Variants in CBR4 observed in about 807,000 individuals in gnomAD.
CBR4 encodes the protein carbonyl reductase 4.
In CBR4, 22 loss-of-function variants were observed where a neutral mutation model predicts 21.0. The ratio of observed to expected loss-of-function variants is 1.05; its 90% CI spans 0.75 to 1.50. CBR4 has a LOEUF of 1.50. Ranked by LOEUF, CBR4 falls within the 40% of genes most tolerant of loss-of-function variation. The pLI, the probability that CBR4 is intolerant of heterozygous loss-of-function variation, is 0.00. For missense variants in CBR4, 302 were observed against 286.3 expected (o/e 1.05, Z -0.40); for synonymous variants, 100 against 104.4 (o/e 0.96, Z 0.26).
At chr4:169,009,271 A>AT (rs1254720222) in intron 1 of CBR4, among the ~76,000 whole-genome samples, 1 of 152,226 alleles carries the variant, frequency 6.6e-6, no homozygotes, top group Non-Finnish European at 1.5e-5. Flanking sequence ...ATCCATTCAT[A>AT]ATAAGCCGGA....
intron 3 of CBR4, among the ~76,000 whole-genome samples, chr4:169,005,579 G>T (rs1730844010): frequency 6.6e-6 from 1 of 152,068 alleles, no homozygotes; most frequent in Non-Finnish European, 1.5e-5. Context: ...CTAAAAAAAA[G>T]AAGATTTTAG....
intron 2 of CBR4, among the ~76,000 whole-genome samples, chr4:168,964,810 C>G (rs1763969571): frequency 6.6e-6 from 1 of 152,142 alleles, no homozygotes; most frequent in Non-Finnish European, 1.5e-5. Context: ...ATTTATTGTG[C>G]AAGTATGTGT....
At chr4:168,938,622 G>A (rs987259890) in intron 2 of CBR4, among the ~76,000 whole-genome samples, 7 of 152,118 alleles carry the variant, frequency 4.6e-5, no homozygotes, top group African/African-American at 1.7e-4. Context: ...AAATGACACA[G>A]GGGATATCAC....
At chr4:168,895,807 G>T (rs1354988000) in intron 2 of CBR4, among the ~76,000 whole-genome samples, 1 of 152,176 alleles carries the variant, frequency 6.6e-6, no homozygotes, top group Non-Finnish European at 1.5e-5. Flanking sequence ...AAATAAAATA[G>T]AAAATATTAT....
intron 2 of CBR4, among the ~76,000 whole-genome samples, chr4:168,940,421 A>G (rs1045364837): frequency 6.6e-6 from 1 of 152,240 alleles, no homozygotes; most frequent in African/African-American, 2.4e-5. Context: ...AATGGCAACA[A>G]AAGCCAAAAT....
At chr4:168,918,190 CAA>C (rs567095866) in intron 2 of CBR4, among the ~76,000 whole-genome samples, 10 of 118,018 alleles carry the variant, frequency 8.5e-5, no homozygotes, top group African/African-American at 9.6e-5. Context: ...GTCTCCCCCA[CAA>C]AAAAAAAAAA....
chr4:168,989,147 C>T lies in CBR4; in HGVS notation c.*1003G>A, dbSNP rs189415765. On this transcript the variant is annotated 3_prime_UTR_variant, in exon 5 of 5. Coordinates refer to ENST00000306193, the MANE Select transcript of CBR4 (RefSeq NM_032783.5). ...TATTTATTTTTTATGCTTATTCATA[C>T]AGAATTTATTACTTTCTAGAATTTT... 1.2e-4 allele frequency: 119 copies of T among 967,056 alleles called. No individual in the cohort carries two copies. In the East Asian group the frequency reaches 0.012, roughly 96 times the overall value. 59.9% of individuals were successfully genotyped at this position (967,056 alleles called of 1,614,324 possible).
chr4:168,980,293 A>C (rs1764506755), intron 2 of CBR4, among the ~76,000 whole-genome samples: 1 of 152,118 alleles, frequency 6.6e-6, no homozygotes, highest in African/African-American at 2.4e-5. Context: ...GAGAAGGTAC[A>C]TGACTGCAAA....
At chr4:168,916,682 T>TCC (rs1233150824) in intron 2 of CBR4, among the ~76,000 whole-genome samples, 6 of 81,608 alleles carry the variant, frequency 7.4e-5, no homozygotes, top group South Asian at 5.7e-4. Flanking sequence ...CATTTTCTAA[T>TCC]TCTTTTTTTT....
chr4:168,907,066 C>T (rs888968920), intron 2 of CBR4, among the ~76,000 whole-genome samples: 1 of 152,028 alleles, frequency 6.6e-6, no homozygotes, highest in Non-Finnish European at 1.5e-5. Flanking sequence ...CCTGTGTGAC[C>T]TTAGCAAGTC....
chr4:168,969,642 G>A (rs1003821367), intron 2 of CBR4, among the ~76,000 whole-genome samples: 3 of 152,138 alleles, frequency 2.0e-5, no homozygotes, highest in African/African-American at 7.2e-5. Context: ...AACATGAGAA[G>A]GAATGCAGGC....
intron 2 of CBR4, among the ~76,000 whole-genome samples, chr4:168,904,953 CCT>C (rs1233659408): frequency 1.3e-5 from 2 of 151,818 alleles, no homozygotes; most frequent in East Asian, 2.0e-4. Flanking sequence ...ATGGCGAAAC[CCT>C]GTCTCTACTA....
intron 4 of CBR4, among the ~76,000 whole-genome samples, chr4:168,990,819 G>A (rs1213301039): frequency 3.3e-5 from 5 of 152,096 alleles, no homozygotes; most frequent in Admixed American, 6.5e-5. Context: ...TTGGGAGGCC[G>A]AGGTGGGCAG....
intron 2 of CBR4, among the ~76,000 whole-genome samples, chr4:168,974,095 C>A (rs930109634): frequency 4.6e-5 from 7 of 152,148 alleles, no homozygotes; most frequent in Non-Finnish European, 8.8e-5. Context: ...CTCCTTTCAG[C>A]ATTTCTTGTA....
At chr4:168,962,956 C>T (rs1201058239) in intron 2 of CBR4, among the ~76,000 whole-genome samples, 1 of 152,146 alleles carries the variant, frequency 6.6e-6, no homozygotes, top group Non-Finnish European at 1.5e-5. Flanking sequence ...TATTAAATGT[C>T]TACTAGATAC....
At chr4:168,935,070 G>A (rs1178698769) in intron 2 of CBR4, among the ~76,000 whole-genome samples, 1 of 152,204 alleles carries the variant, frequency 6.6e-6, no homozygotes, top group African/African-American at 2.4e-5. Flanking sequence ...TTCCAGCTGA[G>A]GTACCCAGCT....
Position 168,923,580 on chromosome 4 carries a change from AGTT to A in CBR4, n.170-28818_170-28816del, listed in dbSNP as rs201085432. On this transcript the variant is annotated intron_variant and non_coding_transcript_variant, in intron 2 of 3. Coordinates refer to the CBR4 transcript ENST00000509108. Reference sequence around the variant, plus strand: ...CCTGAATTTTTCAGAATAGTACTAAAGTTGTCTTTTTTTTTTAATGGGTTCCTT... The same window carrying A: ...CCTGAATTTTTCAGAATAGTACTAAAGTCTTTTTTTTTTAATGGGTTCCTT... Among the ~76,000 whole-genome samples, 633 of 108,158 alleles carry A rather than the reference AGTT, an allele frequency of 5.9e-3. 13 individuals carry two copies. Among genetic ancestry groups the A allele is most frequent in the Admixed American group, 0.041 (406 of 10,024 alleles). 71.0% of individuals were successfully genotyped at this position (108,158 alleles called of 152,430 possible).
chr4:168,928,070 G>GT, intron 2 of CBR4: 1 of 195,560 alleles, frequency 5.1e-6, no homozygotes, highest in Non-Finnish European at 1.1e-5. Context: ...ACCAACCAAG[G>GT]TTTAAGTGAT....
intron 2 of CBR4, among the ~76,000 whole-genome samples, chr4:168,905,787 T>C (rs976178559): frequency 1.8e-5 from 2 of 110,090 alleles, no homozygotes; most frequent in African/African-American, 6.5e-5. Flanking sequence ...CTTGCTTTTT[T>C]TTCTTTTTTT....
Sources: allele counts gnomAD v4.1 joint callset (sites outside exome capture counted in the v4.1 genomes callset), GRCh38; gene constraint gnomAD v4.1.1; transcripts MANE v1.5; gene names NCBI Gene and HGNC (gene_info 2026-07-23, HGNC 2026-07-21).